RFTN1: variants seen among roughly 807,000 people sequenced by gnomAD.
The protein encoded by RFTN1 is raftlin.
Under a neutral mutation model 46.5 loss-of-function variants are expected in RFTN1, and 26 were observed. The ratio of observed to expected loss-of-function variants is 0.56; its 90% CI spans 0.41 to 0.78. The LOEUF is 0.78. RFTN1 is among the 30% of genes least tolerant of loss of function. The pLI is 0.00. For missense variants in RFTN1, 693 were observed against 718.7 expected (o/e 0.96, Z 0.41); for synonymous variants, 261 against 284.2 (o/e 0.92, Z 0.82).
chr3:16,480,598 T>G lies in RFTN1; in HGVS notation c.145+13127A>C, dbSNP rs1212912458. 6.6e-6 allele frequency among the ~76,000 whole-genome samples: 1 copy of G among 152,214 alleles called. No homozygotes were observed. Among genetic ancestry groups the G allele is most frequent in the Non-Finnish European group, 1.5e-5 (1 of 68,038 alleles). On this transcript the variant is annotated intron_variant, in intron 2 of 9. Coordinates refer to ENST00000334133, the MANE Select transcript of RFTN1 (RefSeq NM_015150.2). This position sits in a 1 kb window ranked among gnomAD's most constrained non-coding sequence, Gnocchi z 4.3. Reference sequence around the variant, plus strand: ...CATGCAACTTGAGGCCAGAATCACCTACCTTTTCACACCAGATTTGCTTTT... The same window carrying G: ...CATGCAACTTGAGGCCAGAATCACCGACCTTTTCACACCAGATTTGCTTTT...
rs2071390585 is a variant in RFTN1, at chr3:16,342,629, G to A, written c.1146+15303C>T. Among the ~76,000 whole-genome samples, 1 of 152,172 alleles carries A rather than the reference G, an allele frequency of 6.6e-6. No individual in the cohort carries two copies. On this transcript the variant is annotated intron_variant, in intron 7 of 9. Transcript: ENST00000334133. This position sits in a 1 kb window ranked among gnomAD's most constrained non-coding sequence, Gnocchi z 4.0. ...GATCACTTTTATAAAAATAAAAAAA[G>A]TTATAAGAATGAAAGCAGAGGCCTC...
Position 16,433,759 on chromosome 3 carries a change from C to T in RFTN1, c.332+92G>A. The T allele has an allele frequency of 7.2e-7, 1 of 1,382,182 alleles. No individual in the cohort carries two copies. Among genetic ancestry groups the T allele is most frequent in the Non-Finnish European group, 1.0e-6 (1 of 974,844 alleles). 85.6% of individuals were successfully genotyped at this position (1,382,182 alleles called of 1,614,324 possible). ...GGCCCTGAGGACAGCATGCAAATTT[C>T]AACCCCCAACCCCATCCTCTCACTT... On this transcript the variant is annotated intron_variant, in intron 3 of 9. Transcript: ENST00000334133. This position sits in a 1 kb window ranked among gnomAD's most constrained non-coding sequence, Gnocchi z 4.4.
rs202032095 is a variant in RFTN1 at position 16,398,244 on chromosome 3, C to CAAAAAAAAAAAAAA, written c.441+11117_441+11130dup. Among the ~76,000 whole-genome samples, 128 of 110,860 alleles carry CAAAAAAAAAAAAAA rather than the reference C, an allele frequency of 1.2e-3. 2 individuals carry two copies. The highest frequency in any genetic ancestry group is 1.5e-3 in the Non-Finnish European group (70 of 47,818). The allele number at this position is 110,860 out of a possible 152,430, so 72.7% of individuals were successfully genotyped here. On this transcript the variant is annotated intron_variant, in intron 4 of 9. Coordinates refer to ENST00000334133, the MANE Select transcript of RFTN1 (RefSeq NM_015150.2). Reference sequence around the variant, plus strand: ...CCTGGGTGACAGAGAAAGACTGTCTCAAAAAAAAAAAAAAAAAAAAAAAAA... The same window carrying CAAAAAAAAAAAAAA: ...CCTGGGTGACAGAGAAAGACTGTCTCAAAAAAAAAAAAAAAAAAAAAAAAAAAAAAAAAAAAAAA...
At position 16,479,083 on chromosome 3, in the gene RFTN1, C is replaced by G. The variant is rs1044803502; in HGVS notation, c.145+14642G>C. On this transcript the variant is annotated intron_variant, in intron 2 of 9. Transcript: ENST00000334133. The surrounding 1 kb of genome is among the most constrained non-coding windows in gnomAD (Gnocchi z 5.1). ...CACCATGCTACTTGATATCATAACACTAATGAGCAGGAAAGTTGAGTTAAA... is the reference window on the plus strand; with the variant it reads ...CACCATGCTACTTGATATCATAACAGTAATGAGCAGGAAAGTTGAGTTAAA... Among the ~76,000 whole-genome samples the G allele has an allele frequency of 6.6e-6, 1 of 152,146 alleles. No homozygotes were observed. The highest frequency in any genetic ancestry group is 2.4e-5 in the African/African-American group (1 of 41,418).
intron 1 of RFTN1, among the ~76,000 whole-genome samples, chr3:16,510,391 T>C (rs1324749949): frequency 6.6e-6 from 1 of 152,304 alleles, no homozygotes; most frequent in African/African-American, 2.4e-5. Flanking sequence ...ACTCAATCAA[T>C]CTTCTTTCAC....
In RFTN1 at chr3:16,443,765, A is replaced by C. The variant is rs1275565441; in HGVS notation, c.146-9728T>G. Among the ~76,000 whole-genome samples, 2 of 152,004 alleles carry C rather than the reference A, an allele frequency of 1.3e-5. No individual in the cohort carries two copies. Among genetic ancestry groups the C allele is most frequent in the East Asian group, 3.8e-4 (2 of 5,202 alleles). ...AATTACACACAACACACACACACAC[A>C]CACACACACACACACACACCACTGT... On this transcript the variant is annotated intron_variant, in intron 2 of 9. Transcript: ENST00000334133. The surrounding 1 kb of genome is among the most constrained non-coding windows in gnomAD (Gnocchi z 5.5).
chr3:16,461,413 A>T (rs1290103572), intron 2 of RFTN1, among the ~76,000 whole-genome samples: 1 of 152,232 alleles, frequency 6.6e-6, no homozygotes, highest in African/African-American at 2.4e-5. Flanking sequence ...TTTAATTAAA[A>T]ATATATACAC....
rs1270908156 is a variant in RFTN1 at position 16,504,227 on chromosome 3, G to A, written c.-9+9215C>T. Among the ~76,000 whole-genome samples the A allele has an allele frequency of 6.6e-6, 1 of 152,118 alleles. No homozygotes were observed. Among genetic ancestry groups the A allele is most frequent in the Non-Finnish European group, 1.5e-5 (1 of 68,028 alleles). ...ACAACAGCAGCCTTTCAGAAAAATAGCACACATAAACTGAAAGAAGAAATA... is the reference window on the plus strand; with the variant it reads ...ACAACAGCAGCCTTTCAGAAAAATAACACACATAAACTGAAAGAAGAAATA... On this transcript the variant is annotated intron_variant, in intron 1 of 9. Coordinates refer to ENST00000334133, the MANE Select transcript of RFTN1 (RefSeq NM_015150.2). This position sits in a 1 kb window ranked among gnomAD's most constrained non-coding sequence, Gnocchi z 4.4.
At chr3:16,373,634 CCT>C (rs768358427) in intron 5 of RFTN1, among the ~76,000 whole-genome samples, 37 of 152,304 alleles carry the variant, frequency 2.4e-4, no homozygotes, top group Admixed American at 7.8e-4. Context: ...TCCCAGGAGA[CCT>C]CTGGTCTGGA....
chr3:16,512,882 T>G lies in RFTN1; in HGVS notation c.-9+560A>C, dbSNP rs543811891. ...GCTTCCTCGGAGCGCGCGGCATGTCTGCTCCTACACGTCCAGCACCTCTGT... is the reference window on the plus strand; with the variant it reads ...GCTTCCTCGGAGCGCGCGGCATGTCGGCTCCTACACGTCCAGCACCTCTGT... On this transcript the variant is annotated intron_variant, in intron 1 of 9. Coordinates refer to ENST00000334133, the MANE Select transcript of RFTN1 (RefSeq NM_015150.2). The surrounding 1 kb of genome is among the most constrained non-coding windows in gnomAD (Gnocchi z 4.3). The G allele has an allele frequency of 1.3e-5, 2 of 152,370 alleles. No homozygotes were observed. Among genetic ancestry groups the G allele is most frequent in the Admixed American group, 6.5e-5 (1 of 15,294 alleles). 9.4% of individuals were successfully genotyped at this position (152,370 alleles called of 1,614,324 possible).
chr3:16,419,995 A>G (rs762827186), intron 3 of RFTN1, among the ~76,000 whole-genome samples: 4 of 152,208 alleles, frequency 2.6e-5, no homozygotes, highest in Non-Finnish European at 5.9e-5. Flanking sequence ...GGGAGATGTT[A>G]CCAGGGACAT....
In RFTN1 at chr3:16,451,955, G is replaced by A. The variant is rs113776996; in HGVS notation, c.146-17918C>T. ...ACAAGCAGTTCTATCCCAAGACAGT[G>A]GAACTGATCACTGAGTGGCCACTAA... On this transcript the variant is annotated intron_variant, in intron 2 of 9. Transcript: ENST00000334133. This position sits in a 1 kb window ranked among gnomAD's most constrained non-coding sequence, Gnocchi z 4.2. Among the ~76,000 whole-genome samples, 5 of 152,134 alleles carry A rather than the reference G, an allele frequency of 3.3e-5. No homozygotes were observed. Among genetic ancestry groups the A allele is most frequent in the Admixed American group, 3.3e-4 (5 of 15,276 alleles).
intron 4 of RFTN1, among the ~76,000 whole-genome samples, chr3:16,403,845 A>AT (rs2074701738): frequency 1.2e-4 from 1 of 8,494 alleles, no homozygotes; most frequent in African/African-American, 7.3e-4. Flanking sequence ...ATATAATATA[A>AT]TATATATTTT....
intron 2 of RFTN1, among the ~76,000 whole-genome samples, chr3:16,492,826 G>A (rs922235672): frequency 6.6e-6 from 1 of 152,152 alleles, no homozygotes; most frequent in Non-Finnish European, 1.5e-5. Context: ...AAGATGCCAG[G>A]ACAGGCTCAC....
intron 2 of RFTN1, among the ~76,000 whole-genome samples, chr3:16,455,366 C>T (rs555185866): frequency 2.6e-5 from 4 of 152,284 alleles, no homozygotes; most frequent in Admixed American, 1.3e-4. Context: ...AAAATCCTCA[C>T]GCTAGTAGCC....
chr3:16,501,907 A>G (rs2076716767), intron 1 of RFTN1, among the ~76,000 whole-genome samples: 1 of 152,244 alleles, frequency 6.6e-6, no homozygotes, highest in African/African-American at 2.4e-5. Flanking sequence ...AGATGTAAAG[A>G]ACAATCTATA....
At chr3:16,437,595 A>G (rs1250853863) in intron 2 of RFTN1, among the ~76,000 whole-genome samples, 1 of 152,120 alleles carries the variant, frequency 6.6e-6, no homozygotes, top group East Asian at 1.9e-4. Context: ...AGAGAGGTCA[A>G]GGATGCAGTG....
intron 8 of RFTN1, among the ~76,000 whole-genome samples, chr3:16,325,776 G>A (rs763604093): frequency 6.6e-6 from 1 of 152,192 alleles, no homozygotes; most frequent in Non-Finnish European, 1.5e-5. Flanking sequence ...CCAGAGGAGG[G>A]ACTAGGAAAG....
In RFTN1 at chr3:16,380,749, A is replaced by C. The variant is rs2073963134; in HGVS notation, c.442-2647T>G. Among the ~76,000 whole-genome samples, 1 of 152,184 alleles carries C rather than the reference A, an allele frequency of 6.6e-6. No homozygotes were observed. Among genetic ancestry groups the C allele is most frequent in the South Asian group, 2.1e-4 (1 of 4,832 alleles). ...CAATGCAGCCTGATGTTTGAGAATC[A>C]CTGCTCTAGAATACACATTTCATGA... is the stretch of plus-strand genomic sequence containing the variant. On this transcript the variant is annotated intron_variant, in intron 4 of 9. Transcript: ENST00000334133. This position sits in a 1 kb window ranked among gnomAD's most constrained non-coding sequence, Gnocchi z 4.8.
Sources: allele counts gnomAD v4.1 joint callset (sites outside exome capture counted in the v4.1 genomes callset), GRCh38; gene constraint gnomAD v4.1.1; non-coding constraint Gnocchi (gnomAD v3.1); transcripts MANE v1.5; gene names NCBI Gene and HGNC (gene_info 2026-07-23, HGNC 2026-07-21).